The following ADGRL3 variants were observed in gnomAD, a reference collection of about 807,000 sequenced individuals.
The protein encoded by ADGRL3 is adhesion G protein-coupled receptor L3.
ADGRL3 carries 62 observed loss-of-function variants against 153.5 expected under a neutral mutation model. The ratio of observed to expected loss-of-function variants is 0.40; its 90% CI spans 0.33 to 0.50. The LOEUF (loss-of-function observed/expected upper bound fraction) is 0.50, where lower values mean the gene tolerates loss of function less well. ADGRL3 is among the 20% of genes least tolerant of loss of function. ADGRL3 has a pLI of 0.47. For missense variants in ADGRL3, 1,641 were observed against 1,859.4 expected (o/e 0.88, Z 2.16); for synonymous variants, 710 against 672.5 (o/e 1.06, Z -0.86).
At chr4:61,329,678 T>C (rs2095532419) in intron 1 of ADGRL3, among the ~76,000 whole-genome samples, 1 of 150,394 alleles carries the variant, frequency 6.6e-6, no homozygotes, top group Non-Finnish European at 1.5e-5. Context: ...CAGTATGTCA[T>C]GACCATTTTA....
intron 5 of ADGRL3, among the ~76,000 whole-genome samples, chr4:61,619,633 G>GT (rs1232111967): frequency 6.6e-6 from 1 of 151,984 alleles, no homozygotes; most frequent in African/African-American, 2.4e-5. Context: ...TTTTGATTCA[G>GT]TTTTTCCCTG....
At chr4:61,677,379 C>A in intron 6 of ADGRL3, 1 of 418,100 alleles carries the variant, frequency 2.4e-6, no homozygotes. Context: ...GAAATATATT[C>A]ATCCAGAAGG....
At chr4:61,545,980 G>A (rs1484422744) in intron 4 of ADGRL3, among the ~76,000 whole-genome samples, 2 of 152,162 alleles carry the variant, frequency 1.3e-5, no homozygotes, top group Non-Finnish European at 2.9e-5. Flanking sequence ...GGACTGTGCT[G>A]TCCCCACATC....
intron 4 of ADGRL3, among the ~76,000 whole-genome samples, chr4:61,557,185 A>G (rs1316719969): frequency 1.3e-5 from 2 of 152,176 alleles, no homozygotes; most frequent in Non-Finnish European, 2.9e-5. Flanking sequence ...ATATTTAGTC[A>G]TAATTCAATA....
At chr4:61,558,473 G>A (rs1219899222) in intron 4 of ADGRL3, among the ~76,000 whole-genome samples, 9 of 151,604 alleles carry the variant, frequency 5.9e-5, no homozygotes, top group Non-Finnish European at 1.0e-4. Context: ...ACCAATACTA[G>A]AGACCAGAGA....
At chr4:61,618,001 A>C (rs2092191507) in intron 5 of ADGRL3, among the ~76,000 whole-genome samples, 1 of 152,188 alleles carries the variant, frequency 6.6e-6, no homozygotes, top group South Asian at 2.1e-4. Context: ...GGCTTCAATG[A>C]CAGTAACACA....
intron 5 of ADGRL3, among the ~76,000 whole-genome samples, chr4:61,661,478 T>A (rs2094591568): frequency 1.3e-5 from 2 of 152,220 alleles, no homozygotes; most frequent in South Asian, 4.1e-4. Context: ...AGCATTCTCC[T>A]AAGTAACATA....
At chr4:61,570,784 C>G (rs2098835499) in intron 4 of ADGRL3, among the ~76,000 whole-genome samples, 1 of 152,122 alleles carries the variant, frequency 6.6e-6, no homozygotes, top group South Asian at 2.1e-4. Context: ...ATCCAGTGTT[C>G]TCTTCAACAT....
chr4:61,464,438 G>A (rs750133325), intron 2 of ADGRL3, among the ~76,000 whole-genome samples: 42 of 152,036 alleles, frequency 2.8e-4, no homozygotes, highest in Non-Finnish European at 5.0e-4. Flanking sequence ...AATTGACCAG[G>A]ATTTTTTCAT....
chr4:61,439,171 G>T (rs1295691693), intron 2 of ADGRL3, among the ~76,000 whole-genome samples: 2 of 152,154 alleles, frequency 1.3e-5, no homozygotes, highest in African/African-American at 4.8e-5. Flanking sequence ...GATATGGGTT[G>T]CATCTCATAA....
chr4:61,532,924 T>C (rs890478825), intron 4 of ADGRL3, among the ~76,000 whole-genome samples: 4 of 151,872 alleles, frequency 2.6e-5, no homozygotes, highest in Admixed American at 6.6e-5. Flanking sequence ...GAAAGCTCAG[T>C]TGGAAAAGGA....
At chr4:61,698,614 C>A (rs2095688012) in intron 6 of ADGRL3, among the ~76,000 whole-genome samples, 1 of 151,918 alleles carries the variant, frequency 6.6e-6, no homozygotes, top group Non-Finnish European at 1.5e-5. Context: ...TTTTTTAATT[C>A]CATTAATTAT....
At chr4:61,426,199 G>A (rs912299910) in intron 2 of ADGRL3, among the ~76,000 whole-genome samples, 5 of 152,224 alleles carry the variant, frequency 3.3e-5, no homozygotes, top group African/African-American at 7.2e-5. Context: ...TAGCCAATTC[G>A]GTAATTTCCA....
In ADGRL3 at chr4:61,996,370, A is replaced by T. The variant is rs375851915; in HGVS notation, c.3303+13A>T. 5 of 1,570,634 alleles carry T rather than the reference A, an allele frequency of 3.2e-6. No individual in the cohort carries two copies. The African/African-American group carries it at 6.8e-5, about 21-fold the overall frequency. The stretch of plus-strand genomic sequence containing the variant: ...TTTGATAATTATGGTAAGAATTCCT[A>T]ATTAACTATGTGTTTCCCAGATCAA... On this transcript the variant is annotated intron_variant, in intron 20 of 26. Transcript: ENST00000683033.
In ADGRL3 at chr4:61,756,403, C is replaced by T. The variant is rs898018010; in HGVS notation, c.1399+22849C>T. On this transcript the variant is annotated intron_variant, in intron 8 of 26. Coordinates refer to ENST00000683033, the MANE Select transcript of ADGRL3 (RefSeq NM_001387552.1). ...GCAATTGTGAATGGGAGTTCACTCA[C>T]GATTTGGCTCTCTGTTTGTCTGTTA... 1.8e-4 allele frequency among the ~76,000 whole-genome samples: 27 copies of T among 152,032 alleles called. No homozygotes were observed. In the South Asian group the frequency reaches 3.1e-3, roughly 18 times the overall value.
At chr4:61,886,462 C>T (rs2098539435) in intron 9 of ADGRL3, among the ~76,000 whole-genome samples, 1 of 151,570 alleles carries the variant, frequency 6.6e-6, no homozygotes, top group Non-Finnish European at 1.5e-5. Context: ...AGATTGTCTA[C>T]TAGAGTGAAG....
intron 9 of ADGRL3, among the ~76,000 whole-genome samples, chr4:61,849,158 C>A (rs1445815147): frequency 6.6e-6 from 1 of 152,038 alleles, no homozygotes; most frequent in Non-Finnish European, 1.5e-5. Context: ...CTTTTTTCTC[C>A]ACTTTGTCTA....
At chr4:61,241,559 G>A (rs1416632749) in intron 1 of ADGRL3, among the ~76,000 whole-genome samples, 1 of 151,916 alleles carries the variant, frequency 6.6e-6, no homozygotes, top group Non-Finnish European at 1.5e-5. Flanking sequence ...TTTCATATTT[G>A]ATTTTTATTA....
intron 6 of ADGRL3, among the ~76,000 whole-genome samples, chr4:61,701,382 A>G (rs1030147809): frequency 3.3e-5 from 5 of 151,370 alleles, no homozygotes; most frequent in African/African-American, 1.2e-4. Context: ...TAATCAAGTA[A>G]GTTTATAAGA....
Sources: allele counts gnomAD v4.1 joint callset (sites outside exome capture counted in the v4.1 genomes callset), GRCh38; gene constraint gnomAD v4.1.1; transcripts MANE v1.5; gene names NCBI Gene and HGNC (gene_info 2026-07-23, HGNC 2026-07-21).